The following AFDN variants were observed in gnomAD, a reference collection of about 807,000 sequenced individuals.
AFDN encodes afadin.
A neutral mutation model predicts 216.6 loss-of-function variants in AFDN; 68 were observed. The ratio of observed to expected loss-of-function variants is 0.31; its 90% confidence interval spans 0.26 to 0.38. AFDN has a LOEUF of 0.38. AFDN is among the 10% of genes least tolerant of loss of function. The pLI, the probability that AFDN is intolerant of heterozygous loss-of-function variation, is 1.00. For synonymous variants in AFDN, 868 were observed against 853.7 expected (o/e 1.02, Z -0.29); for missense variants, 2,136 against 2,342.0 (o/e 0.91, Z 1.82).
intron 1 of AFDN, among the ~76,000 whole-genome samples, chr6:167,833,937 G>A (rs1277460394): frequency 1.3e-5 from 2 of 152,046 alleles, no homozygotes; most frequent in African/African-American, 2.4e-5. Context: ...TCTGAGTGCT[G>A]CAGACTCCTA....
chr6:167,964,832 C>T, intron 31 of AFDN: 3 of 1,065,860 alleles, frequency 2.8e-6, no homozygotes, highest in Non-Finnish European at 3.4e-6. Context: ...GCAGTTTATT[C>T]TGTTTGCTCT....
At chr6:167,916,100 G>A (rs962646566) in intron 19 of AFDN, among the ~76,000 whole-genome samples, 2 of 152,202 alleles carry the variant, frequency 1.3e-5, no homozygotes, top group African/African-American at 4.8e-5. Context: ...GGGCTCTGAG[G>A]AAAGGATCTG....
intron 32 of AFDN, 23 bp from the exon 33 acceptor site, chr6:167,969,090 TG>T: frequency 6.4e-7 from 1 of 1,562,382 alleles, no homozygotes; most frequent in Non-Finnish European, 8.8e-7. Flanking sequence ...TACTTTAACT[TG>T]TACTGTTTCT....
intron 1 of AFDN, among the ~76,000 whole-genome samples, chr6:167,854,998 CA>C (rs1782735349): frequency 6.6e-6 from 1 of 151,492 alleles, no homozygotes; most frequent in South Asian, 2.1e-4. Context: ...AGAAAATAAG[CA>C]AAAGGTTTTG....
At chr6:167,844,595 A>G (rs1381004853) in intron 1 of AFDN, among the ~76,000 whole-genome samples, 2 of 152,142 alleles carry the variant, frequency 1.3e-5, no homozygotes, top group East Asian at 1.9e-4. Context: ...GGGTATTTCC[A>G]TAAAATAGAT....
rs1786422702 is a variant in AFDN at position 167,883,613 on chromosome 6, A to C, written c.897+3096A>C. Among the ~76,000 whole-genome samples, 3 of 152,214 alleles carry C rather than the reference A, an allele frequency of 2.0e-5. No homozygotes were observed. The South Asian group carries it at 6.2e-4, about 32-fold the overall frequency. ...TGTTTTGGTTTCCCAATACGTATAA[A>C]AGTTATGCTTTTAGTAAAGTGTGCA... On this transcript the variant is annotated intron_variant, in intron 6 of 33. Transcript: ENST00000683244.
At chr6:167,948,200 A>G in intron 28 of AFDN, 93 bp from the exon 29 acceptor site, 1 of 1,074,016 alleles carries the variant, frequency 9.3e-7, no homozygotes, top group Non-Finnish European at 1.3e-6. Flanking sequence ...TTTAACATAT[A>G]CTATTTTTTA....
rs529278513 is a variant in AFDN at position 167,944,513 on chromosome 6, G to GTAGT, written c.3358+457_3358+460dup. ...GAAATAGGCATCTATTTGTATATGA[G>GTAGT]TAGTTACCTTAGTCCTGCATTTGCT... On this transcript the variant is annotated intron_variant, in intron 26 of 33. Coordinates refer to ENST00000683244, the MANE Select transcript of AFDN (RefSeq NM_001386888.1). Among the ~76,000 whole-genome samples, 25 of 152,318 alleles carry GTAGT rather than the reference G, an allele frequency of 1.6e-4. No individual in the cohort carries two copies. In the South Asian group the frequency reaches 5.0e-3, roughly 30 times the overall value.
At chr6:167,964,851 CCTT>C (rs1340296616) in intron 31 of AFDN, 19 of 1,065,472 alleles carry the variant, frequency 1.8e-5, no homozygotes, top group Middle Eastern at 4.1e-4. Flanking sequence ...CTTTCATCCC[CCTT>C]CTTATTTACT....
rs761471589 is a variant in AFDN at position 167,965,827 on chromosome 6, G to A, written c.5039G>A (p.Arg1680His). Residue 1680 changes from arginine (R) to histidine (H), a missense_variant, in exon 32 of 34, where the codon CGC (arginine) becomes CAC (histidine). By Grantham distance (29) the Arg-to-His change is conservative. This residue lies in a region of AFDN where 981 missense variants were observed against 966.0 expected (regional missense o/e 1.02). Transcript: ENST00000683244. ...CGCAGACAGCACGACGAGGCGGCGC[G>A]CAGGTTGCTGGAGCCCGAGGCGCCC... ...ERRRQHDEAA[R>H]RLLEPEAPGL... is the part of the protein sequence containing the mutation. 16 of 1,557,432 alleles carry A rather than the reference G, an allele frequency of 1.0e-5. No individual in the cohort carries two copies. In the South Asian group the frequency reaches 1.4e-4, roughly 14 times the overall value.
intron 12 of AFDN, among the ~76,000 whole-genome samples, chr6:167,902,734 A>G (rs181770173): frequency 2.6e-5 from 4 of 152,294 alleles, no homozygotes; most frequent in Admixed American, 2.6e-4. Flanking sequence ...TATTGTACTC[A>G]CCTGTTTTCG....
At chr6:167,952,363 C>G (rs773798228) in intron 30 of AFDN, 176 bp downstream of exon 30, 266 of 1,481,516 alleles carry the variant, frequency 1.8e-4, no homozygotes, top group Non-Finnish European at 2.3e-4. Context: ...ATGAGTCAGG[C>G]CTATAAGGCT....
intron 23 of AFDN, among the ~76,000 whole-genome samples, chr6:167,925,712 C>T (rs903146351): frequency 2.0e-5 from 3 of 152,150 alleles, no homozygotes; most frequent in African/African-American, 7.2e-5. Context: ...TTTAAAGCTA[C>T]ACAGATCTTT....
intron 6 of AFDN, among the ~76,000 whole-genome samples, chr6:167,883,861 T>C (rs1786453627): frequency 6.9e-6 from 1 of 143,908 alleles, no homozygotes; most frequent in South Asian, 2.2e-4. Flanking sequence ...TGAAGTTTGC[T>C]GCATTGATTG....
intron 23 of AFDN, 46 bp downstream of exon 23, chr6:167,925,137 C>A: frequency 1.5e-6 from 2 of 1,365,716 alleles, no homozygotes; most frequent in Non-Finnish European, 2.1e-6. Context: ...AGTCTTTCGG[C>A]ATTGAATCAG....
chr6:167,912,256 A>G (rs1790494087), intron 15 of AFDN: 1 of 152,242 alleles, frequency 6.6e-6, no homozygotes, highest in Admixed American at 6.5e-5. Context: ...TGAAGATTTA[A>G]TCTTTAAAGT....
At position 167,890,931 on chromosome 6, in the gene AFDN, A is replaced by C; in HGVS notation, c.1079A>C (p.Glu360Ala). 1 of 1,614,130 alleles carries C rather than the reference A, an allele frequency of 6.2e-7. No individual in the cohort carries two copies. The highest frequency in any genetic ancestry group is 8.5e-7 in the Non-Finnish European group (1 of 1,179,996). The change falls in exon 8 of 34, where the codon GAA becomes GCA. Residue 360 changes from glutamate (E) to alanine (A), a missense_variant. By Grantham distance (107) the Glu-to-Ala change is moderately radical (BLOSUM62 -1). Coordinates refer to ENST00000683244, the MANE Select transcript of AFDN (RefSeq NM_001386888.1). ...HIPKKTKKHL[E>A]GKTPKGKERA... Reference sequence around the variant, plus strand: ...CCAAAGAAAACCAAGAAACACTTGGAAGGCAAGACACCCAAGGGAAAGGAG... The same window carrying C: ...CCAAAGAAAACCAAGAAACACTTGGCAGGCAAGACACCCAAGGGAAAGGAG...
At chr6:167,952,270 C>G (rs1345719977) in intron 30 of AFDN, 83 bp downstream of exon 30, 4 of 1,603,284 alleles carry the variant, frequency 2.5e-6, no homozygotes, top group Non-Finnish European at 3.4e-6. Flanking sequence ...TAGCTAGGCC[C>G]CTGATCGTGA....
chr6:167,877,726 C>G (rs554823138), intron 5 of AFDN, among the ~76,000 whole-genome samples: 1 of 152,170 alleles, frequency 6.6e-6, no homozygotes, highest in Non-Finnish European at 1.5e-5. Context: ...GCTTAGCTAT[C>G]AGGTTAATTC....
Sources: gnomAD v4.1 joint callset for allele counts (sites outside exome capture counted in the v4.1 genomes callset) on GRCh38, gnomAD v4.1.1 for gene constraint, gnomAD v4.1.1 regional missense constraint, MANE v1.5 for transcripts, NCBI Gene and HGNC (gene_info 2026-07-23, HGNC 2026-07-21) for gene names.